The following FERMT2 variants were observed in gnomAD, a reference collection of about 807,000 sequenced individuals.
The protein encoded by FERMT2 is FERM domain containing kindlin 2.
In FERMT2, 15 loss-of-function variants were observed where a neutral mutation model predicts 82.7. The ratio of observed to expected loss-of-function variants is 0.18; its 90% CI spans 0.12 to 0.28. FERMT2 has a LOEUF of 0.28. Among genes scored for constraint, FERMT2 ranks in the 10% least tolerant of loss-of-function variants. FERMT2 has a pLI of 1.00. For synonymous variants in FERMT2, 274 were observed against 271.5 expected, an observed-to-expected ratio of 1.01 and a Z score of -0.09; for missense variants, 645 against 809.4, an observed-to-expected ratio of 0.80 and a Z score of 2.46.
chr14:52,907,020 A>T (rs992925192), intron 3 of FERMT2, among the ~76,000 whole-genome samples: 2 of 151,382 alleles, frequency 1.3e-5, no homozygotes, highest in African/African-American at 4.9e-5. Flanking sequence ...AATTAAAAAA[A>T]AAATGTTTTT....
At chr14:52,898,276 GC>G (rs1305308493) in intron 3 of FERMT2, among the ~76,000 whole-genome samples, 2 of 151,958 alleles carry the variant, frequency 1.3e-5, no homozygotes, top group Non-Finnish European at 2.9e-5. Context: ...AAGCATCTAG[GC>G]ATATCTGGTT....
In FERMT2 at chr14:52,938,947, T is replaced by G. The variant is rs575524557; in HGVS notation, c.157+11465A>C. Among the ~76,000 whole-genome samples, 250 of 152,252 alleles carry G rather than the reference T, an allele frequency of 1.6e-3. 9 individuals are homozygous for G. In the South Asian group the frequency reaches 0.05, roughly 31 times the overall value. ...ATTTTGTATATGTGGAAGCATAAAA[T>G]CTGCTTCTAGATGATCTTCATACTT... is the stretch of plus-strand genomic sequence containing the variant. On this transcript the variant is annotated intron_variant, in intron 2 of 14. Coordinates refer to ENST00000341590, the MANE Select transcript of FERMT2 (RefSeq NM_006832.3).
At position 52,864,447 on chromosome 14, in the gene FERMT2, T is replaced by A; in HGVS notation, c.1556A>T (p.Glu519Val). 1 of 1,614,140 alleles carries A rather than the reference T, an allele frequency of 6.2e-7. No individual in the cohort carries two copies. Among genetic ancestry groups the A allele is most frequent in the Non-Finnish European group, 8.5e-7 (1 of 1,179,984 alleles). The change falls in exon 12 of 15, where the codon GAA becomes GTA. Residue 519 changes from glutamate to valine, a missense_variant. Transcript: ENST00000341590. Reference protein sequence around the residue: ...PEQITTDITPECLVSPRYLKK... With the variant: ...PEQITTDITPVCLVSPRYLKK... ...TAGATAGCGGGGAGACACCAAACAT[T>A]CAGGAGTTATATCAGTCGTGATCTG...
At chr14:52,912,390 T>G (rs925253998) in intron 3 of FERMT2, among the ~76,000 whole-genome samples, 2 of 152,172 alleles carry the variant, frequency 1.3e-5, no homozygotes, top group Admixed American at 1.3e-4. Context: ...TTATGTAAAT[T>G]TCTACCCATT....
chr14:52,923,920 T>C (rs1889105805), intron 2 of FERMT2, among the ~76,000 whole-genome samples: 1 of 152,160 alleles, frequency 6.6e-6, no homozygotes, highest in Admixed American at 6.5e-5. Context: ...AAGACAGTGT[T>C]AGAAGATGGG....
At chr14:52,925,980 G>C (rs12888271) in intron 2 of FERMT2, among the ~76,000 whole-genome samples, 81,337 of 151,972 alleles carry the variant, frequency 0.54, 23,234 homozygotes, top group South Asian at 0.71. Flanking sequence ...TAGTTATCTA[G>C]TGTATTACAG....
At chr14:52,892,027 C>T (rs376913420) in intron 4 of FERMT2, among the ~76,000 whole-genome samples, 6 of 152,078 alleles carry the variant, frequency 3.9e-5, no homozygotes, top group African/African-American at 1.4e-4. Flanking sequence ...TGACTCATGA[C>T]AGAAAGATGC....
chr14:52,932,647 C>T (rs1437584320), intron 2 of FERMT2, among the ~76,000 whole-genome samples: 1 of 152,142 alleles, frequency 6.6e-6, no homozygotes, highest in African/African-American at 2.4e-5. Context: ...TGGTTTTATA[C>T]TAGAAATTAA....
chr14:52,950,403 G>A lies in FERMT2; in HGVS notation c.157+9C>T. 1 of 1,610,044 alleles carries A rather than the reference G, an allele frequency of 6.2e-7. No individual in the cohort carries two copies. The highest frequency in any genetic ancestry group is 8.5e-7 in the Non-Finnish European group (1 of 1,178,096). On this transcript the variant is annotated intron_variant, in intron 2 of 14. Transcript: ENST00000341590. The stretch of plus-strand genomic sequence containing the variant: ...GTCATTAGTTGGACGCGGCTGGGAT[G>A]CTACTCACCGAGTTTCTCCACCAGC...
In FERMT2 at chr14:52,950,971, G is replaced by A. The variant is rs1356612927; in HGVS notation, c.-60C>T. 4.5e-5 allele frequency: 7 copies of A among 156,798 alleles called. No individual in the cohort carries two copies. Among genetic ancestry groups the A allele is most frequent in the African/African-American group, 7.2e-5 (3 of 41,588 alleles). 9.7% of individuals were successfully genotyped at this position (156,798 alleles called of 1,614,324 possible). On this transcript the variant is annotated 5_prime_UTR_variant, in exon 1 of 15. Coordinates refer to ENST00000341590, the MANE Select transcript of FERMT2 (RefSeq NM_006832.3). Reference sequence around the variant, plus strand: ...GGGACTCGCGCGGCAACAGGCGAGGGGCTGGAGGCTCGCGGGGCGGCGGTG... The same window carrying A: ...GGGACTCGCGCGGCAACAGGCGAGGAGCTGGAGGCTCGCGGGGCGGCGGTG...
At chr14:52,940,501 A>T (rs1378856457) in intron 2 of FERMT2, among the ~76,000 whole-genome samples, 1 of 152,218 alleles carries the variant, frequency 6.6e-6, no homozygotes, top group African/African-American at 2.4e-5. Context: ...GGATTTGTAT[A>T]CTGACCCTTT....
chr14:52,858,259 G>T lies in FERMT2; in HGVS notation c.*118C>A. 3 of 870,430 alleles carry T rather than the reference G, an allele frequency of 3.4e-6. No individual in the cohort carries two copies. The highest frequency in any genetic ancestry group is 3.6e-6 in the Non-Finnish European group (2 of 552,712). The allele number at this position is 870,430 out of a possible 1,614,324, so 53.9% of individuals were successfully genotyped here. A position where few individuals can be genotyped will look rare whatever the true frequency, so the allele number is the denominator to read the frequency against. On this transcript the variant is annotated 3_prime_UTR_variant, in exon 15 of 15. Transcript: ENST00000341590. ...ATATTAACTGGTCTGGTAAGGCAAA[G>T]AAGTTTTCATGATAAAATGATAAAT... is the stretch of plus-strand genomic sequence containing the variant.
intron 2 of FERMT2, among the ~76,000 whole-genome samples, chr14:52,937,764 A>G (rs565477134): frequency 6.6e-6 from 1 of 152,300 alleles, no homozygotes; most frequent in South Asian, 2.1e-4. Flanking sequence ...GCATGAATGT[A>G]TAGAATTATC....
intron 2 of FERMT2, among the ~76,000 whole-genome samples, chr14:52,943,429 C>G (rs181936228): frequency 2.3e-3 from 353 of 152,080 alleles, no homozygotes; most frequent in African/African-American, 8.3e-3. Flanking sequence ...GGTGGCTGTT[C>G]TGTATATCAA....
At chr14:52,942,368 T>C (rs1890131069) in intron 2 of FERMT2, among the ~76,000 whole-genome samples, 1 of 150,698 alleles carries the variant, frequency 6.6e-6, no homozygotes, top group African/African-American at 2.4e-5. Flanking sequence ...AGTGGCGCGA[T>C]CCCGGCTCAC....
chr14:52,923,974 G>A (rs141010927), intron 2 of FERMT2, among the ~76,000 whole-genome samples: 1 of 152,234 alleles, frequency 6.6e-6, no homozygotes, highest in East Asian at 1.9e-4. Flanking sequence ...CAAATACTGG[G>A]CTTTTCAGTA....
At chr14:52,907,718 C>T (rs528612646) in intron 3 of FERMT2, among the ~76,000 whole-genome samples, 5 of 151,786 alleles carry the variant, frequency 3.3e-5, no homozygotes, top group Non-Finnish European at 5.9e-5. Flanking sequence ...AAACGAAGGT[C>T]GTAATAGCTA....
chr14:52,884,044 A>G (rs1184417253), intron 4 of FERMT2, among the ~76,000 whole-genome samples: 1 of 152,244 alleles, frequency 6.6e-6, no homozygotes, highest in East Asian at 1.9e-4. Context: ...TAGCAATTCA[A>G]GAATGAACAA....
At chr14:52,870,946 G>A (rs7147258) in intron 10 of FERMT2, among the ~76,000 whole-genome samples, 14 of 152,120 alleles carry the variant, frequency 9.2e-5, no homozygotes, top group South Asian at 2.1e-4. Context: ...TGTCCACATC[G>A]GAATACTTCG....
Sources: gnomAD v4.1 joint callset for allele counts (sites outside exome capture counted in the v4.1 genomes callset) on GRCh38, gnomAD v4.1.1 for gene constraint, MANE v1.5 for transcripts, NCBI Gene and HGNC (gene_info 2026-07-23, HGNC 2026-07-21) for gene names.